Variants in TBC1D14 observed in about 807,000 individuals in gnomAD.
TBC1D14 encodes TBC1 domain family, member 14.
A neutral mutation model predicts 79.0 loss-of-function variants in TBC1D14; 26 were observed. The ratio of observed to expected loss-of-function variants is 0.33; its 90% CI spans 0.24 to 0.46. The LOEUF is 0.46. Ranked by LOEUF, TBC1D14 falls within the 20% of genes least tolerant of loss-of-function variation. TBC1D14 has a pLI of 1.00. For missense variants in TBC1D14, 769 were observed against 887.6 expected, an observed-to-expected ratio of 0.87 and a Z score of 1.70; for synonymous variants, 394 against 349.9, an observed-to-expected ratio of 1.13 and a Z score of -1.40.
chr4:6,948,129 T>G (rs1369948301), intron 2 of TBC1D14, among the ~76,000 whole-genome samples: 1 of 152,128 alleles, frequency 6.6e-6, no homozygotes, highest in Admixed American at 6.5e-5. Context: ...TATTGAAATT[T>G]TATGTAAAGG....
At chr4:6,933,962 C>T (rs1360059445) in intron 2 of TBC1D14, among the ~76,000 whole-genome samples, 2 of 152,060 alleles carry the variant, frequency 1.3e-5, no homozygotes, top group African/African-American at 4.8e-5. Flanking sequence ...AGAAAGGAGT[C>T]AAAGATGACT....
chr4:6,909,889 C>T lies in TBC1D14; in HGVS notation c.-80C>T, dbSNP rs952646938. 11 of 148,270 alleles carry T rather than the reference C, an allele frequency of 7.4e-5. No individual in the cohort carries two copies. The highest frequency in any genetic ancestry group is 2.2e-4 in the African/African-American group (9 of 41,180). 9.2% of individuals were successfully genotyped at this position (148,270 alleles called of 1,614,324 possible). On this transcript the variant is annotated 5_prime_UTR_variant, in exon 1 of 14. Coordinates refer to ENST00000409757, the MANE Select transcript of TBC1D14 (RefSeq NM_020773.3). ...GTCCTCGTCGCGCGAGTTGCCGGTC[C>T]CGCGGGGCCTGGGCTGCGGGCCCAC...
At chr4:6,926,607 A>G (rs145877106) in intron 2 of TBC1D14, among the ~76,000 whole-genome samples, 140 of 152,332 alleles carry the variant, frequency 9.2e-4, no homozygotes, top group African/African-American at 3.3e-3. Context: ...AAAACAAGTG[A>G]TGACATGGGC....
In TBC1D14 at chr4:6,923,680, C is replaced by T. The variant is rs536762985; in HGVS notation, c.291C>T (p.Pro97=). ...AGCAGTCCGACTCCGACCTCATCCCCGAGCGGGCCTTCCAGAGCGCCTGCG... is the reference window on the plus strand; with the variant it reads ...AGCAGTCCGACTCCGACCTCATCCCTGAGCGGGCCTTCCAGAGCGCCTGCG... ...RRKQSDSDLI[P]ERAFQSACAL... is the part of the protein sequence containing the mutation. Residue 97 remains proline, a synonymous_variant, in exon 2 of 14, where the codon CCC becomes CCT. Coordinates refer to ENST00000409757, the MANE Select transcript of TBC1D14 (RefSeq NM_020773.3). The T allele has an allele frequency of 1.4e-5, 23 of 1,613,776 alleles. No individual in the cohort carries two copies. The highest frequency in any genetic ancestry group is 1.8e-5 in the Non-Finnish European group (21 of 1,180,028).
chr4:6,979,434 T>C (rs1002614299), intron 3 of TBC1D14, among the ~76,000 whole-genome samples: 4 of 152,148 alleles, frequency 2.6e-5, no homozygotes, highest in Non-Finnish European at 2.9e-5. Flanking sequence ...CAGACCAGCC[T>C]GATAAGCATA....
intron 3 of TBC1D14, among the ~76,000 whole-genome samples, chr4:6,974,132 C>T (rs1468430452): frequency 2.0e-5 from 3 of 152,028 alleles, no homozygotes; most frequent in Non-Finnish European, 4.4e-5. Flanking sequence ...AGACATGAGC[C>T]GCTGCGCCCA....
chr4:6,920,885 TCTC>T (rs1393760864), intron 1 of TBC1D14, among the ~76,000 whole-genome samples: 3 of 152,142 alleles, frequency 2.0e-5, no homozygotes, highest in Admixed American at 6.5e-5. Context: ...TTCAAGCAAT[TCTC>T]CTTCCTCAGC....
Position 7,009,939 on chromosome 4 carries a change from T to C in TBC1D14, c.1509T>C (p.Asp503=). 6.2e-7 allele frequency: 1 copy of C among 1,614,200 alleles called. No homozygotes were observed. Among genetic ancestry groups the C allele is most frequent in the East Asian group, 2.2e-5 (1 of 44,894 alleles). Reference sequence around the variant, plus strand: ...GCGCTTATACTTGTTACCGGCCAGATGTGGGTTATGTAAGTGAAGTTTCTC... The same window carrying C: ...GCGCTTATACTTGTTACCGGCCAGACGTGGGTTATGTAAGTGAAGTTTCTC... ...ILGAYTCYRP[D]VGYVQGMSFI... is the part of the protein sequence containing the mutation. The change falls in exon 10 of 14, where the codon GAT becomes GAC. Residue 503 remains aspartate (D), a synonymous_variant. Coordinates refer to ENST00000409757, the MANE Select transcript of TBC1D14 (RefSeq NM_020773.3).
chr4:6,964,885 T>C (rs911986553), intron 2 of TBC1D14, among the ~76,000 whole-genome samples: 3 of 152,222 alleles, frequency 2.0e-5, no homozygotes, highest in African/African-American at 7.2e-5. Context: ...ATATATTCTT[T>C]ACCAGATTTA....
chr4:6,932,367 T>G, intron 2 of TBC1D14, among the ~76,000 whole-genome samples: 1 of 74,700 alleles, frequency 1.3e-5, no homozygotes, highest in African/African-American at 4.0e-5. Flanking sequence ...CAAGACTCTG[T>G]CTGGAAATTA....
At chr4:7,025,292 A>G in intron 13 of TBC1D14, 30 bp downstream of exon 13, 1 of 1,612,806 alleles carries the variant, frequency 6.2e-7, no homozygotes, top group Non-Finnish European at 8.5e-7. Context: ...TTGGCTTCCC[A>G]CAGCGTAGCC....
intron 2 of TBC1D14, among the ~76,000 whole-genome samples, chr4:6,937,067 G>A (rs1712407875): frequency 6.6e-6 from 1 of 152,156 alleles, no homozygotes; most frequent in African/African-American, 2.4e-5. Flanking sequence ...ACAGGCATGT[G>A]CCACTGCGCC....
At chr4:7,007,696 G>A (rs1182891266) in intron 9 of TBC1D14, 2 of 995,836 alleles carry the variant, frequency 2.0e-6, no homozygotes, top group Non-Finnish European at 2.7e-6. Context: ...CTGTTTCCTG[G>A]AACCCTGCTT....
intron 8 of TBC1D14, 124 bp downstream of exon 8, chr4:7,005,048 C>T (rs1040866163): frequency 1.5e-5 from 13 of 871,532 alleles, no homozygotes; most frequent in African/African-American, 1.4e-4. Flanking sequence ...AAAAGCTCCA[C>T]GAGAAAAGGG....
chr4:7,008,525 G>C (rs1435834290), intron 9 of TBC1D14, among the ~76,000 whole-genome samples: 1 of 152,206 alleles, frequency 6.6e-6, no homozygotes, highest in South Asian at 2.1e-4. Context: ...CGATTCTCTT[G>C]CCTCAGCCTC....
At chr4:6,948,396 C>G (rs1713687238) in intron 2 of TBC1D14, among the ~76,000 whole-genome samples, 1 of 152,202 alleles carries the variant, frequency 6.6e-6, no homozygotes, top group South Asian at 2.1e-4. Context: ...CAAACTGACC[C>G]TGGGAGGTTT....
Position 7,004,992 on chromosome 4 carries a change from G to A in TBC1D14, c.1351+68G>A, listed in dbSNP as rs933505565. The A allele has an allele frequency of 2.0e-5, 29 of 1,415,134 alleles. No individual in the cohort carries two copies. In the African/African-American group the frequency reaches 3.7e-4, roughly 18 times the overall value. 87.7% of individuals were successfully genotyped at this position (1,415,134 alleles called of 1,614,324 possible). A position where few individuals can be genotyped will look rare whatever the true frequency, so the allele number is the denominator to read the frequency against. ...TGTTTGTCATTCTTTATTACATAGT[G>A]AAGAAAGTTGACGTTAACTACAGTA... On this transcript the variant is annotated intron_variant, in intron 8 of 13. Transcript: ENST00000409757.
rs190080763 is a variant in TBC1D14, at chr4:6,976,125, A to G, written c.843+8701A>G. ...AAAAAACAGAAATTATCCAGTCTGCATAGTACAGAGAAAAAAATGAGTTTA... is the reference window on the plus strand; with the variant it reads ...AAAAAACAGAAATTATCCAGTCTGCGTAGTACAGAGAAAAAAATGAGTTTA... On this transcript the variant is annotated intron_variant, in intron 3 of 13. Transcript: ENST00000409757. Among the ~76,000 whole-genome samples the G allele has an allele frequency of 2.5e-3, 375 of 152,296 alleles. 2 individuals carry two copies. Among genetic ancestry groups the G allele is most frequent in the South Asian group, 5.4e-3 (26 of 4,830 alleles).
At chr4:6,932,426 A>G (rs1283441782) in intron 2 of TBC1D14, among the ~76,000 whole-genome samples, 1 of 151,216 alleles carries the variant, frequency 6.6e-6, no homozygotes, top group Non-Finnish European at 1.5e-5. Flanking sequence ...TTAACCAAGC[A>G]GGTACTTGGA....
Sources: gnomAD v4.1 joint callset for allele counts (sites outside exome capture counted in the v4.1 genomes callset) on GRCh38, gnomAD v4.1.1 for gene constraint, MANE v1.5 for transcripts, NCBI Gene and HGNC (gene_info 2026-07-23, HGNC 2026-07-21) for gene names.